ARHGAP28: variants seen among roughly 807,000 people sequenced by gnomAD.
ARHGAP28 encodes the protein Rho GTPase activating protein 28, also known as rho GTPase-activating protein 28.
In ARHGAP28, 56 loss-of-function variants were observed where a neutral mutation model predicts 90.7. That is an observed-to-expected ratio of 0.62 (90% confidence interval 0.50 to 0.77). The LOEUF (loss-of-function observed/expected upper bound fraction) is 0.77, where lower values mean the gene tolerates loss of function less well. Among genes scored for constraint, ARHGAP28 ranks in the 30% least tolerant of loss-of-function variants. The pLI, the probability that ARHGAP28 is intolerant of heterozygous loss-of-function variation, is 0.00. For synonymous variants in ARHGAP28, 308 were observed against 323.3 expected (o/e 0.95, Z 0.51); for missense variants, 869 against 900.9 (o/e 0.96, Z 0.45).
intron 1 of ARHGAP28, among the ~76,000 whole-genome samples, chr18:6,737,141 T>C (rs2055936054): frequency 6.6e-6 from 1 of 152,216 alleles, no homozygotes; most frequent in South Asian, 2.1e-4. Flanking sequence ...GGAATGTTTT[T>C]CAGAAGAAAA....
chr18:6,783,459 G>C (rs1392156061), intron 1 of ARHGAP28, among the ~76,000 whole-genome samples: 2 of 143,924 alleles, frequency 1.4e-5, no homozygotes, highest in Non-Finnish European at 2.9e-5. Flanking sequence ...GTGCCACCAG[G>C]CCTGGCTAAT....
chr18:6,780,062 T>C (rs1372218429), intron 1 of ARHGAP28, among the ~76,000 whole-genome samples: 1 of 152,170 alleles, frequency 6.6e-6, no homozygotes, highest in African/African-American at 2.4e-5. Flanking sequence ...CTGTTGCTTG[T>C]TGGACATGAG....
At chr18:6,874,509 A>C (rs2143564307) in intron 9 of ARHGAP28, 2 of 152,348 alleles carry the variant, frequency 1.3e-5, no homozygotes, top group Middle Eastern at 6.8e-3. Context: ...TTCAACAGTG[A>C]CATCCAGTGG....
chr18:6,891,132 T>G (rs767869024), intron 14 of ARHGAP28, among the ~76,000 whole-genome samples: 1 of 152,202 alleles, frequency 6.6e-6, no homozygotes, highest in African/African-American at 2.4e-5. Flanking sequence ...GTGGAGATAC[T>G]TGAAATTTAC....
rs2057405802 is a variant in ARHGAP28, at chr18:6,912,788, C to T, written c.*634C>T. 1 of 152,212 alleles carries T rather than the reference C, an allele frequency of 6.6e-6. No homozygotes were observed. Among genetic ancestry groups the T allele is most frequent in the Middle Eastern group, 3.2e-3 (1 of 316 alleles). The allele number at this position is 152,212 out of a possible 1,614,324, so 9.4% of individuals were successfully genotyped here. ...CTATCAGCATTCTGGTGCAAATGAA[C>T]TTTTCTCCATCATCGACTGTGGAAA... On this transcript the variant is annotated 3_prime_UTR_variant, in exon 18 of 18. Coordinates refer to ENST00000383472, the MANE Select transcript of ARHGAP28 (RefSeq NM_001366230.1).
intron 1 of ARHGAP28, among the ~76,000 whole-genome samples, chr18:6,796,781 C>A (rs149431389): frequency 6.6e-6 from 1 of 152,106 alleles, no homozygotes; most frequent in African/African-American, 2.4e-5. Flanking sequence ...CCCTATTAGT[C>A]GAAAATGAAC....
intron 16 of ARHGAP28, among the ~76,000 whole-genome samples, chr18:6,906,576 CA>C (rs1236096747): frequency 6.6e-6 from 1 of 151,998 alleles, no homozygotes; most frequent in Non-Finnish European, 1.5e-5. Context: ...CATCCATAGG[CA>C]AAAAATAAAT....
chr18:6,738,288 T>C (rs1192757675), intron 1 of ARHGAP28, among the ~76,000 whole-genome samples: 2 of 152,042 alleles, frequency 1.3e-5, no homozygotes, highest in African/African-American at 2.4e-5. Context: ...AATTTACTTA[T>C]ATACATTTAT....
At chr18:6,780,821 G>C (rs960288654) in intron 1 of ARHGAP28, among the ~76,000 whole-genome samples, 1 of 151,680 alleles carries the variant, frequency 6.6e-6, no homozygotes, top group South Asian at 2.1e-4. Flanking sequence ...GAACCCGGGA[G>C]GTGGAGGTTG....
At chr18:6,869,905 A>T (rs2057069957) in intron 6 of ARHGAP28, among the ~76,000 whole-genome samples, 2 of 152,230 alleles carry the variant, frequency 1.3e-5, no homozygotes, top group Admixed American at 1.3e-4. Context: ...TTATGGATTC[A>T]CTTGTTTTTG....
intron 1 of ARHGAP28, among the ~76,000 whole-genome samples, chr18:6,741,851 C>T (rs189221637): frequency 2.0e-5 from 3 of 152,274 alleles, no homozygotes; most frequent in Admixed American, 2.0e-4. Flanking sequence ...GAATCAAAAT[C>T]CATAAAATCA....
At position 6,773,742 on chromosome 18, in the gene ARHGAP28, C is replaced by G. The variant is rs983826382; in HGVS notation, c.122+43799C>G. ...GGAATAGGAAAACTTTTTGCAATCA[C>G]AACAGTTATGGTTTTTGCTTTTGAC... On this transcript the variant is annotated intron_variant, in intron 1 of 17. Transcript: ENST00000383472. Among the ~76,000 whole-genome samples the G allele has an allele frequency of 5.3e-5, 8 of 152,266 alleles. 2 individuals carry two copies. Among genetic ancestry groups the G allele is most frequent in the East Asian group, 1.9e-4 (1 of 5,190 alleles).
chr18:6,795,950 C>G (rs1455822523), intron 1 of ARHGAP28, among the ~76,000 whole-genome samples: 2 of 152,202 alleles, frequency 1.3e-5, no homozygotes, highest in Admixed American at 6.5e-5. Context: ...ACATTGGAAC[C>G]TAAATCAAAC....
In ARHGAP28 at chr18:6,851,196, ACTTG is replaced by A; in HGVS notation, c.636+71_636+74del. 13 of 1,432,260 alleles carry A rather than the reference ACTTG, an allele frequency of 9.1e-6. No individual in the cohort carries two copies. The Admixed American group carries it at 1.1e-4, about 12-fold the overall frequency. The allele number at this position is 1,432,260 out of a possible 1,614,324, so 88.7% of individuals were successfully genotyped here. On this transcript the variant is annotated intron_variant, in intron 4 of 17. Transcript: ENST00000383472. The stretch of plus-strand genomic sequence containing the variant: ...CATTTCTTCAAGATGGTTGAGCAAA[ACTTG>A]AAAAAAGTGCAACATAATTAAGATG...
chr18:6,761,190 G>A (rs1028249846), intron 1 of ARHGAP28, among the ~76,000 whole-genome samples: 3 of 152,062 alleles, frequency 2.0e-5, no homozygotes, highest in African/African-American at 7.2e-5. Context: ...CAGGTAGTGA[G>A]TGCAAGGAAC....
Position 6,859,857 on chromosome 18 carries a change from A to T in ARHGAP28, c.686A>T (p.Asp229Val). Residue 229 changes from aspartate (D) to valine (V), a missense_variant, in exon 5 of 18, where the codon GAT becomes GTT. Physicochemically the swap from Asp to Val is radical, Grantham distance 152. Transcript: ENST00000383472. The part of the protein sequence containing the change: ...NSTTLSDASQ[D>V]KEGSFAVPRS... ...ACTACCCTGTCTGACGCATCCCAGG[A>T]TAAAGAAGGGAGTTTTGCGGTTCCC... 6.2e-6 allele frequency: 10 copies of T among 1,614,206 alleles called. No individual in the cohort carries two copies. The highest frequency in any genetic ancestry group is 8.5e-6 in the Non-Finnish European group (10 of 1,180,018).
At chr18:6,825,292 GC>G (rs1340332381) in intron 2 of ARHGAP28, among the ~76,000 whole-genome samples, 1 of 152,058 alleles carries the variant, frequency 6.6e-6, no homozygotes, top group East Asian at 1.9e-4. Context: ...AATTCTGACA[GC>G]TTTTACATTT....
At chr18:6,889,662 T>C (rs950339163) in intron 12 of ARHGAP28, among the ~76,000 whole-genome samples, 1 of 152,204 alleles carries the variant, frequency 6.6e-6, no homozygotes, top group Non-Finnish European at 1.5e-5. Flanking sequence ...TGCAATATAA[T>C]AAAATCCATT....
At chr18:6,732,363 G>A (rs1330900540) in intron 1 of ARHGAP28, among the ~76,000 whole-genome samples, 1 of 152,100 alleles carries the variant, frequency 6.6e-6, no homozygotes, top group Non-Finnish European at 1.5e-5. Context: ...GAGATAAACG[G>A]GACATAGTCC....
Sources: allele counts gnomAD v4.1 joint callset (sites outside exome capture counted in the v4.1 genomes callset), GRCh38; gene constraint gnomAD v4.1.1; transcripts MANE v1.5; gene names NCBI Gene and HGNC (gene_info 2026-07-23, HGNC 2026-07-21).